Variants in AKR1C1 observed in about 807,000 individuals in gnomAD.
AKR1C1 encodes aldo-keto reductase family 1 member C1, also known as 20 alpha-hydroxysteroid dehydrogenase.
AKR1C1 carries 32 observed loss-of-function variants against 40.6 expected under a neutral mutation model. The ratio of observed to expected loss-of-function variants is 0.79; its 90% CI spans 0.60 to 1.06. The LOEUF (loss-of-function observed/expected upper bound fraction) is 1.06, where lower values mean the gene tolerates loss of function less well. AKR1C1 is among the 50% of genes least tolerant of loss of function. AKR1C1 has a pLI of 0.00. For missense variants in AKR1C1, 320 were observed against 363.5 expected (o/e 0.88, Z 0.97); for synonymous variants, 105 against 134.2 (o/e 0.78, Z 1.50).
intron 1 of AKR1C1, chr10:4,963,777 T>C (rs1197602413): frequency 4.0e-6 from 3 of 753,624 alleles, no homozygotes; most frequent in Non-Finnish European, 7.4e-6. Context: ...ACGGCTTGCC[T>C]GCTCCCTCTC....
At chr10:4,967,373 A>C in intron 3 of AKR1C1, 1 of 1,078,476 alleles carries the variant, frequency 9.3e-7, no homozygotes. Flanking sequence ...ACAGAGTTTC[A>C]TGAAGCTGTG....
chr10:4,975,076 A>T (rs1360318402), intron 7 of AKR1C1, among the ~76,000 whole-genome samples: 9 of 152,182 alleles, frequency 5.9e-5, no homozygotes, highest in Admixed American at 5.9e-4. Flanking sequence ...ATATATAATT[A>T]ATTTCATAAC....
Position 4,968,318 on chromosome 10 carries a change from G to A in AKR1C1, c.379G>A (p.Glu127Lys). The change falls in exon 4 of 9, where the codon GAA (glutamate) becomes AAA (lysine). Residue 127 changes from glutamate (E) to lysine (K), a missense_variant. Physicochemically the swap from Glu to Lys is moderately conservative, Grantham distance 56. Coordinates refer to ENST00000380872, the MANE Select transcript of AKR1C1 (RefSeq NM_001353.6). ...HFPVSVKPGE[E>K]VIPKDENGKI... ...ACTGCTTCTACTTCAGCCAGGTGAG[G>A]AAGTGATCCCAAAAGATGAAAATGG... is the stretch of plus-strand genomic sequence containing the variant. The A allele has an allele frequency of 6.4e-7, 1 of 1,553,480 alleles. No individual in the cohort carries two copies. The highest frequency in any genetic ancestry group is 1.2e-5 in the South Asian group (1 of 83,058).
chr10:4,981,404 A>T lies in AKR1C1; in HGVS notation c.*3662A>T, dbSNP rs1836612914. 6.6e-6 allele frequency: 1 copy of T among 152,234 alleles called. No homozygotes were observed. The allele number at this position is 152,234 out of a possible 1,614,324, so 9.4% of individuals were successfully genotyped here. On this transcript the variant is annotated 3_prime_UTR_variant, in exon 9 of 9. Coordinates refer to ENST00000380872, the MANE Select transcript of AKR1C1 (RefSeq NM_001353.6). ...AAAATGACAAAACAAGTACAGGGGC[A>T]GCAAAAGGTAACAGATGTCAACTAT...
In AKR1C1 at chr10:4,968,953, C is replaced by T. The variant is rs762719112; in HGVS notation, c.570+9C>T. On this transcript the variant is annotated intron_variant, in intron 5 of 8. Transcript: ENST00000380872. ...AGCCTGTCTGCAACCAGGTGAGCAC[C>T]CTCAGCCTCCTCTCCTTTCTGTTCT... 1 of 1,614,162 alleles carries T rather than the reference C, an allele frequency of 6.2e-7. No individual in the cohort carries two copies. Among genetic ancestry groups the T allele is most frequent in the Admixed American group, 1.7e-5 (1 of 60,018 alleles).
chr10:4,969,537 A>T, intron 5 of AKR1C1: 1 of 832,540 alleles, frequency 1.2e-6, no homozygotes, highest in Non-Finnish European at 1.9e-6. Context: ...CAGTGGATGA[A>T]ATCCACACTG....
intron 5 of AKR1C1, among the ~76,000 whole-genome samples, chr10:4,970,744 G>C (rs1436303364): frequency 6.8e-6 from 1 of 147,810 alleles, no homozygotes; most frequent in South Asian, 2.1e-4. Context: ...CTCACTCATA[G>C]GTGGGAATTG....
intron 7 of AKR1C1, among the ~76,000 whole-genome samples, chr10:4,974,245 A>G (rs1836488501): frequency 1.3e-5 from 2 of 151,786 alleles, no homozygotes; most frequent in Admixed American, 1.3e-4. Context: ...TCTAGTATAT[A>G]TAGATATATG....
Position 4,980,681 on chromosome 10 carries a change from A to G in AKR1C1, c.*2939A>G, listed in dbSNP as rs573518936. The G allele has an allele frequency of 1.3e-5, 2 of 151,374 alleles. No homozygotes were observed. Among genetic ancestry groups the G allele is most frequent in the South Asian group, 2.1e-4 (1 of 4,758 alleles). 9.4% of individuals were successfully genotyped at this position (151,374 alleles called of 1,614,324 possible). On this transcript the variant is annotated 3_prime_UTR_variant, in exon 9 of 9. Transcript: ENST00000380872. ...AGCATTCAGTAACTTGCAAGCTCCA[A>G]TTTGAATTCTAGTTGTCTTGCTATT...
intron 7 of AKR1C1, among the ~76,000 whole-genome samples, chr10:4,972,997 T>G (rs1158579473): frequency 1.3e-5 from 2 of 152,308 alleles, no homozygotes; most frequent in South Asian, 2.1e-4. Flanking sequence ...TCCATATCCC[T>G]CTGCTGGGGC....
chr10:4,965,302 C>T (rs567634702), intron 1 of AKR1C1, among the ~76,000 whole-genome samples: 1 of 152,208 alleles, frequency 6.6e-6, no homozygotes, highest in South Asian at 2.1e-4. Context: ...GATGGAGTCT[C>T]GCTTTGTCGT....
chr10:4,969,833 C>T, intron 5 of AKR1C1: 2 of 1,288,590 alleles, frequency 1.6e-6, no homozygotes, highest in Non-Finnish European at 2.2e-6. Flanking sequence ...TGTTTTAAAA[C>T]TTAGAGTCAA....
chr10:4,970,554 A>C (rs1554769734), intron 5 of AKR1C1, among the ~76,000 whole-genome samples: 1 of 152,138 alleles, frequency 6.6e-6, no homozygotes, highest in Non-Finnish European at 1.5e-5. Flanking sequence ...AGTTTTAAAA[A>C]CTTGGTTAAG....
In AKR1C1 at chr10:4,981,783, G is replaced by C. The variant is rs1411294365; in HGVS notation, c.*4041G>C. 1 of 152,200 alleles carries C rather than the reference G, an allele frequency of 6.6e-6. No individual in the cohort carries two copies. The highest frequency in any genetic ancestry group is 1.5e-5 in the Non-Finnish European group (1 of 68,060). 9.4% of individuals were successfully genotyped at this position (152,200 alleles called of 1,614,324 possible). A position where few individuals can be genotyped will look rare whatever the true frequency, so the allele number is the denominator to read the frequency against. ...AGTGCCTTGAGCAGAATCCACAGGG[G>C]AGAGCTGGAAGTGCATGGCAGATAT... On this transcript the variant is annotated 3_prime_UTR_variant, in exon 9 of 9. Coordinates refer to ENST00000380872, the MANE Select transcript of AKR1C1 (RefSeq NM_001353.6).
chr10:4,965,740 A>G, intron 1 of AKR1C1, 174 bp from the exon 2 acceptor site: 1 of 697,918 alleles, frequency 1.4e-6, no homozygotes, highest in South Asian at 2.8e-5. Context: ...GCTGTGCCCA[A>G]CCTTTATTAC....
chr10:4,974,605 G>A (rs3923936), intron 7 of AKR1C1, among the ~76,000 whole-genome samples: 50,193 of 151,826 alleles, frequency 0.33, 9,228 homozygotes, highest in African/African-American at 0.49. Context: ...TACTGTATGA[G>A]ATAAGGATCC....
intron 8 of AKR1C1, among the ~76,000 whole-genome samples, chr10:4,976,720 GA>G (rs1355013556): frequency 1.3e-5 from 2 of 151,998 alleles, no homozygotes; most frequent in African/African-American, 2.4e-5. Context: ...TATAATGAGG[GA>G]AAAAAGAAGT....
chr10:4,970,199 C>G (rs1015247855), intron 5 of AKR1C1, among the ~76,000 whole-genome samples: 1 of 152,190 alleles, frequency 6.6e-6, no homozygotes, highest in Non-Finnish European at 1.5e-5. Flanking sequence ...GATATTCTCC[C>G]AGTTCCAGTG....
At chr10:4,968,509 G>A (rs1389945049) in intron 4 of AKR1C1, 123 bp downstream of exon 4, 13 of 1,521,688 alleles carry the variant, frequency 8.5e-6, no homozygotes, top group Non-Finnish European at 9.8e-6. Context: ...CTTTACAAAG[G>A]TAGTTTTTGT....
Sources: gnomAD v4.1 joint callset for allele counts (sites outside exome capture counted in the v4.1 genomes callset) on GRCh38, gnomAD v4.1.1 for gene constraint, MANE v1.5 for transcripts, NCBI Gene and HGNC (gene_info 2026-07-23, HGNC 2026-07-21) for gene names.